The following LMTK2 variants were observed in gnomAD, a reference collection of about 807,000 sequenced individuals.
LMTK2 encodes serine/threonine-protein kinase LMTK2.
A neutral mutation model predicts 127.5 loss-of-function variants in LMTK2; 37 were observed. The ratio of observed to expected loss-of-function variants is 0.29; its 90% confidence interval spans 0.22 to 0.38. The LOEUF is 0.38. Among genes scored for constraint, LMTK2 ranks in the 10% least tolerant of loss-of-function variants. The pLI is 1.00. For missense variants in LMTK2, 1,694 were observed against 1,920.3 expected (o/e 0.88, Z 2.20); for synonymous variants, 819 against 810.1 (o/e 1.01, Z -0.19).
chr7:98,123,274 A>G (rs1240620419), intron 1 of LMTK2, among the ~76,000 whole-genome samples: 2 of 152,214 alleles, frequency 1.3e-5, no homozygotes, highest in African/African-American at 4.8e-5. Context: ...TTTTCTCAAC[A>G]CAGTCACTTA....
intron 1 of LMTK2, among the ~76,000 whole-genome samples, chr7:98,127,465 A>G (rs17169328): frequency 0.12 from 18,252 of 152,218 alleles, 1,676 homozygotes; most frequent in African/African-American, 0.25. Context: ...GTTAATTTTC[A>G]AGTAGGCACA....
Position 98,192,345 on chromosome 7 carries a change from G to T in LMTK2, c.1880G>T (p.Gly627Val), listed in dbSNP as rs759523617. Residue 627 changes from glycine to valine, a missense_variant, in exon 11 of 14, where the codon GGC becomes GTC. Gly to Val is a moderately radical substitution (Grantham distance 109). Transcript: ENST00000297293. ...SLPGDLHVTS[G>V]PESPFNNIFN... ...CCAGGGGACTTACACGTGACCAGTG[G>T]CCCCGAGAGCCCTTTCAACAATATA... is the stretch of plus-strand genomic sequence containing the variant. 2 of 1,577,734 alleles carry T rather than the reference G, an allele frequency of 1.3e-6. No individual in the cohort carries two copies. Among genetic ancestry groups the T allele is most frequent in the Admixed American group, 1.9e-5 (1 of 52,402 alleles).
Position 98,119,570 on chromosome 7 carries a change from C to T in LMTK2, c.103+12290C>T, listed in dbSNP as rs546204710. The stretch of plus-strand genomic sequence containing the variant: ...GTCTGTATGAATAATAGCTTCTTTA[C>T]ATTTTACGAATATCATGTATAAATA... On this transcript the variant is annotated intron_variant, in intron 1 of 13. Transcript: ENST00000297293. 2.2e-3 allele frequency among the ~76,000 whole-genome samples: 334 copies of T among 152,282 alleles called. 1 individual carries two copies. Among genetic ancestry groups the T allele is most frequent in the Non-Finnish European group, 3.1e-3 (212 of 68,020 alleles).
At position 98,191,709 on chromosome 7, in the gene LMTK2, A is replaced by C. The variant is rs202022238; in HGVS notation, c.1244A>C (p.Gln415Pro). ...CTGACTTACCTGCGGCTGCAGAGCC[A>C]GCGGGACTCAGAGGTCGACTTTGAA... is the stretch of plus-strand genomic sequence containing the variant. ...RLLTYLRLQS[Q>P]RDSEVDFEQQ... The change falls in exon 11 of 14, where the codon CAG (glutamine) becomes CCG (proline). Residue 415 changes from glutamine (Q) to proline (P), a missense_variant. By Grantham distance (76) the Gln-to-Pro change is moderately conservative. Coordinates refer to ENST00000297293, the MANE Select transcript of LMTK2 (RefSeq NM_014916.4). 1.9e-6 allele frequency: 3 copies of C among 1,614,222 alleles called. No homozygotes were observed. Among genetic ancestry groups the C allele is most frequent in the Non-Finnish European group, 2.5e-6 (3 of 1,180,040 alleles).
Position 98,204,074 on chromosome 7 carries a change from C to T in LMTK2, c.4371C>T (p.Ser1457=). ...TTTCTCCGCCGCCACCGGCCCGGAG[C>T]ACGGAGCAGAGCTGGCCGCACTCGG... ...KYFSPPPPAR[S]TEQSWPHSAP... The change falls in exon 13 of 14, where the codon AGC becomes AGT. Residue 1457 remains serine (S), a synonymous_variant. Coordinates refer to ENST00000297293, the MANE Select transcript of LMTK2 (RefSeq NM_014916.4). The T allele has an allele frequency of 6.2e-7, 1 of 1,613,958 alleles. No individual in the cohort carries two copies. Among genetic ancestry groups the T allele is most frequent in the African/African-American group, 1.3e-5 (1 of 75,072 alleles).
In LMTK2 at chr7:98,141,550, A is replaced by T. The variant is rs761647021; in HGVS notation, c.376+9A>T. ...ATTCCAGCCTTCTGTAGGTAAGACC[A>T]TACAGCCTAATGCCACGTTTTCATG... is the stretch of plus-strand genomic sequence containing the variant. On this transcript the variant is annotated intron_variant, in intron 3 of 13. Coordinates refer to ENST00000297293, the MANE Select transcript of LMTK2 (RefSeq NM_014916.4). 6.2e-7 allele frequency: 1 copy of T among 1,611,666 alleles called. No individual in the cohort carries two copies. The highest frequency in any genetic ancestry group is 1.3e-5 in the African/African-American group (1 of 74,866).
At chr7:98,190,580 A>AC (rs1475667903) in intron 9 of LMTK2, 148 bp from the exon 10 acceptor site, 29 of 819,600 alleles carry the variant, frequency 3.5e-5, no homozygotes, top group Non-Finnish European at 5.0e-5. Context: ...ACTCTGTCTT[A>AC]AAACAACAAC....
At chr7:98,172,785 G>A (rs1044574366) in intron 7 of LMTK2, among the ~76,000 whole-genome samples, 7 of 151,688 alleles carry the variant, frequency 4.6e-5, no homozygotes, top group South Asian at 2.1e-4. Flanking sequence ...TTTTTGAGAC[G>A]GAGTCTCTGT....
At chr7:98,119,148 A>T (rs1391548502) in intron 1 of LMTK2, among the ~76,000 whole-genome samples, 2 of 151,942 alleles carry the variant, frequency 1.3e-5, no homozygotes, top group African/African-American at 4.8e-5. Context: ...AACCAGCTGA[A>T]TCAAAATGCT....
At chr7:98,122,726 G>GTA (rs72372592) in intron 1 of LMTK2, among the ~76,000 whole-genome samples, 84 of 14,202 alleles carry the variant, frequency 5.9e-3, no homozygotes, top group African/African-American at 0.014. Flanking sequence ...GTGTGTGTGT[G>GTA]TATATATATA....
In LMTK2 at chr7:98,167,667, G is replaced by C. The variant is rs1437683251; in HGVS notation, c.658-3874G>C. On this transcript the variant is annotated intron_variant, in intron 6 of 13. Coordinates refer to ENST00000297293, the MANE Select transcript of LMTK2 (RefSeq NM_014916.4). ...GACTGGCAGAGGTTTGTGCCAGAGG[G>C]CTCTTAGGCATACAGGGAGGGAAGT... Among the ~76,000 whole-genome samples, 14 of 152,358 alleles carry C rather than the reference G, an allele frequency of 9.2e-5. No homozygotes were observed. In the East Asian group the frequency reaches 2.5e-3, roughly 27 times the overall value.
intron 1 of LMTK2, among the ~76,000 whole-genome samples, chr7:98,113,933 C>CT (rs35638586): frequency 0.027 from 3,800 of 141,712 alleles, 66 homozygotes; most frequent in Admixed American, 0.042. Context: ...TTATTAAATT[C>CT]TTTTTTTTTT....
At chr7:98,127,719 A>T (rs770257596) in intron 1 of LMTK2, among the ~76,000 whole-genome samples, 14 of 152,256 alleles carry the variant, frequency 9.2e-5, no homozygotes, top group Non-Finnish European at 1.9e-4. Context: ...TGTTGCTAAC[A>T]CAAAGAAATG....
Position 98,205,581 on chromosome 7 carries a change from C to T in LMTK2, c.*89C>T, listed in dbSNP as rs1257754275. 7.4e-7 allele frequency: 1 copy of T among 1,358,182 alleles called. No homozygotes were observed. Among genetic ancestry groups the T allele is most frequent in the African/African-American group, 1.4e-5 (1 of 69,590 alleles). 84.1% of individuals were successfully genotyped at this position (1,358,182 alleles called of 1,614,324 possible). On this transcript the variant is annotated 3_prime_UTR_variant, in exon 14 of 14. Coordinates refer to ENST00000297293, the MANE Select transcript of LMTK2 (RefSeq NM_014916.4). ...CAGCCCGAGCAGCGACATCCACTCGCCATTTGCTGACATGAGATTGGGAGG... is the reference window on the plus strand; with the variant it reads ...CAGCCCGAGCAGCGACATCCACTCGTCATTTGCTGACATGAGATTGGGAGG...
intron 5 of LMTK2, among the ~76,000 whole-genome samples, chr7:98,158,738 A>G (rs1796968822): frequency 6.6e-6 from 1 of 152,142 alleles, no homozygotes; most frequent in Non-Finnish European, 1.5e-5. Flanking sequence ...AGATAATGAC[A>G]CCATTTTATG....
At chr7:98,138,584 ACTG>A (rs1221814046) in intron 2 of LMTK2, among the ~76,000 whole-genome samples, 3 of 151,994 alleles carry the variant, frequency 2.0e-5, no homozygotes, top group Admixed American at 6.6e-5. Flanking sequence ...CCCTACACAC[ACTG>A]CTATGGCGCC....
chr7:98,193,677 C>T lies in LMTK2; in HGVS notation c.3212C>T (p.Pro1071Leu), dbSNP rs1199891661. The change falls in exon 11 of 14, where the codon CCG (proline) becomes CTG (leucine). Residue 1071 changes from proline to leucine, a missense_variant. Transcript: ENST00000297293. This position sits in a 1 kb window ranked among gnomAD's most constrained non-coding sequence, Gnocchi z 4.1. ...DGGHSGLPPN[P>L]VIVISDAGDG... ...GGCCACAGCGGTCTGCCTCCCAACCCGGTCATTGTCATCTCAGATGCCGGC... is the reference window on the plus strand; with the variant it reads ...GGCCACAGCGGTCTGCCTCCCAACCTGGTCATTGTCATCTCAGATGCCGGC... 7 of 1,613,772 alleles carry T rather than the reference C, an allele frequency of 4.3e-6. No individual in the cohort carries two copies. The highest frequency in any genetic ancestry group is 1.1e-5 in the South Asian group (1 of 91,072).
chr7:98,186,285 A>G (rs1403631190), intron 8 of LMTK2, among the ~76,000 whole-genome samples: 1 of 151,008 alleles, frequency 6.6e-6, no homozygotes, highest in Non-Finnish European at 1.5e-5. Context: ...CTGGTCTCGA[A>G]CTCCTGACTT....
chr7:98,193,560 A>G lies in LMTK2; in HGVS notation c.3095A>G (p.Tyr1032Cys). 6.2e-7 allele frequency: 1 copy of G among 1,614,128 alleles called. No individual in the cohort carries two copies. Among genetic ancestry groups the G allele is most frequent in the Non-Finnish European group, 8.5e-7 (1 of 1,180,020 alleles). ...CCCGATAAGCCGGCAGACAGTGGCT[A>G]CGAAACAGAGAACTTGGAGTCTCCC... ...VPPDKPADSGYETENLESPEW... is the reference protein window; with the variant it reads ...VPPDKPADSGCETENLESPEW... The change falls in exon 11 of 14, where the codon TAC (tyrosine) becomes TGC (cysteine). Residue 1032 changes from tyrosine (Y) to cysteine (C), a missense_variant. Around this residue, in one of 8 missense-constraint regions of LMTK2, gnomAD observed 65 missense variants for 116.5 expected, o/e 0.56. Transcript: ENST00000297293. The surrounding 1 kb of genome is among the most constrained non-coding windows in gnomAD (Gnocchi z 4.1).
Sources: gnomAD v4.1 joint callset for allele counts (sites outside exome capture counted in the v4.1 genomes callset) on GRCh38, gnomAD v4.1.1 for gene constraint, gnomAD v4.1.1 regional missense constraint, Gnocchi (gnomAD v3.1) non-coding constraint, MANE v1.5 for transcripts, NCBI Gene and HGNC (gene_info 2026-07-23, HGNC 2026-07-21) for gene names.